The following RANBP2 variants were observed in gnomAD, a reference collection of about 807,000 sequenced individuals.
The protein encoded by RANBP2 is RAN binding protein 2.
RANBP2 carries 57 observed loss-of-function variants against 303.6 expected under a neutral mutation model. That is an observed-to-expected ratio of 0.19 (90% CI 0.15 to 0.23). The LOEUF (loss-of-function observed/expected upper bound fraction) is 0.23. Ranked by LOEUF, RANBP2 falls within the 10% of genes least tolerant of loss-of-function variation. The pLI is 1.00. For missense variants in RANBP2, 3,138 were observed against 3,780.8 expected (o/e 0.83, Z 4.46); for synonymous variants, 1,167 against 1,301.5 (o/e 0.90, Z 2.23).
the RANBP2 span, chr2:109,593,051 TATCTGTTCATC>T: frequency 6.3e-7 from 1 of 1,582,676 alleles, no homozygotes; most frequent in Non-Finnish European, 8.6e-7. Context: ...ACATACTCAC[TATCTGTTCATC>T]ATCTGATCCT....
Position 108,753,478 on chromosome 2 carries a change from T to C in RANBP2, c.1970T>C (p.Leu657Ser). The C allele has an allele frequency of 1.2e-6, 2 of 1,611,938 alleles. No homozygotes were observed. The highest frequency in any genetic ancestry group is 1.7e-6 in the Non-Finnish European group (2 of 1,179,828). ...EEDAHITFAI[L>S]DAVNGNIEDA... Reference sequence around the variant, plus strand: ...GACGCACACATAACTTTTGCTATATTGGATGCAGTAAATGGAAATATAGAA... The same window carrying C: ...GACGCACACATAACTTTTGCTATATCGGATGCAGTAAATGGAAATATAGAA... Residue 657 changes from leucine (L) to serine (S), a missense_variant, in exon 14 of 29, where the codon TTG becomes TCG. Coordinates refer to ENST00000283195, the MANE Select transcript of RANBP2 (RefSeq NM_006267.5).
chr2:108,936,481 G>A, the RANBP2 span, among the ~76,000 whole-genome samples: 3 of 9,188 alleles, frequency 3.3e-4, no homozygotes, highest in Non-Finnish European at 3.5e-3. Flanking sequence ...GCTGGCTGCG[G>A]GCTCCCTGCC....
At chr2:109,606,413 C>T in the RANBP2 span, among the ~76,000 whole-genome samples, 1 of 151,626 alleles carries the variant, frequency 6.6e-6, no homozygotes, top group South Asian at 2.1e-4. Flanking sequence ...GACTCTGTCT[C>T]AAAAAACAAA....
chr2:109,127,765 C>T, the RANBP2 span: 1 of 152,214 alleles, frequency 6.6e-6, no homozygotes, highest in East Asian at 1.9e-4. Flanking sequence ...GAAAGGATGG[C>T]TTGAGCCCAA....
chr2:108,809,725 G>T, the RANBP2 span, among the ~76,000 whole-genome samples: 1 of 151,972 alleles, frequency 6.6e-6, no homozygotes, highest in African/African-American at 2.4e-5. Context: ...GAAATTTTTG[G>T]TGGAGTCTTT....
At chr2:109,742,950 G>T in the RANBP2 span, among the ~76,000 whole-genome samples, 2 of 148,384 alleles carry the variant, frequency 1.3e-5, no homozygotes, top group Non-Finnish European at 3.0e-5. Flanking sequence ...AAAAATAAAT[G>T]ATGCTGAAAT....
chr2:109,357,060 AT>A, the RANBP2 span, among the ~76,000 whole-genome samples: 64 of 151,058 alleles, frequency 4.2e-4, no homozygotes, highest in Middle Eastern at 3.5e-3. Flanking sequence ...CCTTTTTAAA[AT>A]TTTTTTTTAT....
At chr2:109,587,407 T>C in the RANBP2 span, among the ~76,000 whole-genome samples, 10 of 151,868 alleles carry the variant, frequency 6.6e-5, no homozygotes, top group African/African-American at 2.4e-4. Context: ...TACCAGTAAT[T>C]GGAATACAAG....
At chr2:109,360,928 A>G in the RANBP2 span, among the ~76,000 whole-genome samples, 1 of 152,248 alleles carries the variant, frequency 6.6e-6, no homozygotes, top group Admixed American at 6.5e-5. Context: ...GTTTCCCACC[A>G]TTAAGTTTCT....
At chr2:108,873,334 A>G in the RANBP2 span, 1 of 968,878 alleles carries the variant, frequency 1.0e-6, no homozygotes, top group African/African-American at 1.7e-5. Flanking sequence ...AAGTATGAAA[A>G]GAATGAAAAT....
chr2:108,759,370 T>G (rs1676557825), intron 18 of RANBP2, among the ~76,000 whole-genome samples: 1 of 152,308 alleles, frequency 6.6e-6, no homozygotes, highest in South Asian at 2.1e-4. Context: ...AGATTCACAC[T>G]CCGGTGGTGT....
At chr2:109,143,187 GC>G in the RANBP2 span, among the ~76,000 whole-genome samples, 2 of 152,250 alleles carry the variant, frequency 1.3e-5, no homozygotes, top group Admixed American at 1.3e-4. Context: ...GTCAAGTGGT[GC>G]ATATAGAAAA....
At chr2:109,207,444 T>G in the RANBP2 span, among the ~76,000 whole-genome samples, 1 of 152,160 alleles carries the variant, frequency 6.6e-6, no homozygotes, top group Non-Finnish European at 1.5e-5. Context: ...TTTGAAAATA[T>G]TTGTGATGTA....
At chr2:109,732,592 T>A in the RANBP2 span, 1 of 397,180 alleles carries the variant, frequency 2.5e-6, no homozygotes, top group East Asian at 6.8e-5. Context: ...GACTCCTGCT[T>A]CAGCCTCTCG....
At chr2:108,748,326 G>T (rs1675542156) in intron 8 of RANBP2, among the ~76,000 whole-genome samples, 1 of 150,322 alleles carries the variant, frequency 6.7e-6, no homozygotes, top group African/African-American at 2.5e-5. Flanking sequence ...TCCTCCCTCA[G>T]CCTCCCCAGT....
chr2:108,753,886 A>T lies in RANBP2; in HGVS notation c.2117A>T (p.Glu706Val). The change falls in exon 15 of 29, where the codon GAA becomes GTA. Residue 706 changes from glutamate (E) to valine (V), a missense_variant. By Grantham distance (121) the Glu-to-Val change is moderately radical. This residue lies in a region of RANBP2 where 194 missense variants were observed against 197.4 expected (regional missense o/e 0.98). Transcript: ENST00000283195. Reference sequence around the variant, plus strand: ...GCCCTTTCTCCTGAAGAACAAGAAGAATGCAAAAATTATCTGAGAAAGACC... The same window carrying T: ...GCCCTTTCTCCTGAAGAACAAGAAGTATGCAAAAATTATCTGAGAAAGACC... ...NDALSPEEQE[E>V]CKNYLRKTRD... is the part of the protein sequence containing the mutation. 6.2e-7 allele frequency: 1 copy of T among 1,612,034 alleles called. No individual in the cohort carries two copies. Among genetic ancestry groups the T allele is most frequent in the South Asian group, 1.1e-5 (1 of 90,996 alleles).
At chr2:109,601,875 T>G in the RANBP2 span, among the ~76,000 whole-genome samples, 6 of 152,290 alleles carry the variant, frequency 3.9e-5, 1 homozygote, top group African/African-American at 1.4e-4. Flanking sequence ...AATATGACTT[T>G]TTCCCAATGT....
chr2:109,670,644 G>A, the RANBP2 span, among the ~76,000 whole-genome samples: 1 of 152,184 alleles, frequency 6.6e-6, no homozygotes, highest in Non-Finnish European at 1.5e-5. Context: ...TGCTGCTGCT[G>A]CTCGAAGCCA....
the RANBP2 span, among the ~76,000 whole-genome samples, chr2:109,301,439 C>T: frequency 0.015 from 2,345 of 152,144 alleles, 70 homozygotes; most frequent in African/African-American, 0.054. Context: ...TCCTCTCCTC[C>T]GGGGATTGCT....
Sources: allele counts gnomAD v4.1 joint callset (sites outside exome capture counted in the v4.1 genomes callset), GRCh38; gene constraint gnomAD v4.1.1; regional missense constraint gnomAD v4.1.1; transcripts MANE v1.5; gene names NCBI Gene and HGNC (gene_info 2026-07-23, HGNC 2026-07-21).